Variants in SCAI observed in about 807,000 individuals in gnomAD.
The protein encoded by SCAI is suppressor of cancer cell invasion.
Under a neutral mutation model 92.2 loss-of-function variants are expected in SCAI, and 24 were observed. The ratio of observed to expected loss-of-function variants is 0.26; its 90% CI spans 0.19 to 0.37. The LOEUF (loss-of-function observed/expected upper bound fraction) is 0.37. Among genes scored for constraint, SCAI ranks in the 10% least tolerant of loss-of-function variants. The pLI, the probability that SCAI is intolerant of heterozygous loss-of-function variation, is 1.00. For missense variants in SCAI, 450 were observed against 736.2 expected, an observed-to-expected ratio of 0.61 and a Z score of 4.50; for synonymous variants, 261 against 258.6, an observed-to-expected ratio of 1.01 and a Z score of -0.09.
chr9:124,976,190 T>C lies in SCAI; in HGVS notation c.1327-4A>G. 1 of 1,584,128 alleles carries C rather than the reference T, an allele frequency of 6.3e-7. No individual in the cohort carries two copies. The highest frequency in any genetic ancestry group is 1.1e-5 in the South Asian group (1 of 90,392). Reference sequence around the variant, plus strand: ...GTCCAAACAAGTTTGTGAAATTCTGTAATATATAAGAATTTAAAACTTGCA... The same window carrying C: ...GTCCAAACAAGTTTGTGAAATTCTGCAATATATAAGAATTTAAAACTTGCA... On this transcript the variant is annotated splice_polypyrimidine_tract_variant and splice_region_variant and intron_variant, in intron 14 of 17. Transcript: ENST00000336505.
chr9:124,971,631 A>T (rs368246265), intron 16 of SCAI, 40 bp downstream of exon 16: 5 of 1,512,636 alleles, frequency 3.3e-6, no homozygotes, highest in Non-Finnish European at 4.5e-6. Context: ...AAGCCATTAT[A>T]GTACATTCTG....
chr9:125,139,612 T>C (rs1248734609), intron 2 of SCAI, among the ~76,000 whole-genome samples: 1 of 152,180 alleles, frequency 6.6e-6, no homozygotes, highest in Non-Finnish European at 1.5e-5. Flanking sequence ...GGCCAAAGTA[T>C]TAACCGTGGC....
chr9:124,968,695 A>T, intron 17 of SCAI: 1 of 1,379,856 alleles, frequency 7.2e-7, no homozygotes, highest in Non-Finnish European at 1.0e-6. Context: ...GATTTCCTCA[A>T]ATTCATCAAA....
At chr9:125,070,040 C>G (rs1396891466) in intron 2 of SCAI, among the ~76,000 whole-genome samples, 1 of 152,142 alleles carries the variant, frequency 6.6e-6, no homozygotes, top group Non-Finnish European at 1.5e-5. Flanking sequence ...ATACCTAGCT[C>G]TTAAAGTTGT....
chr9:125,127,734 G>A (rs1054890277), intron 2 of SCAI, among the ~76,000 whole-genome samples: 5 of 152,154 alleles, frequency 3.3e-5, no homozygotes, highest in African/African-American at 1.2e-4. Flanking sequence ...CCGGCCGAAC[G>A]AGGTGGCACA....
intron 17 of SCAI, among the ~76,000 whole-genome samples, chr9:124,962,782 TG>T (rs1385719383): frequency 3.3e-5 from 5 of 151,744 alleles, no homozygotes; most frequent in South Asian, 4.1e-4. Flanking sequence ...TATTATATAT[TG>T]TTTTTTCTTT....
At chr9:125,029,088 G>A (rs1054851916) in intron 4 of SCAI, among the ~76,000 whole-genome samples, 1 of 151,304 alleles carries the variant, frequency 6.6e-6, no homozygotes, top group Admixed American at 6.6e-5. Flanking sequence ...AGGAGCCACT[G>A]CACCCAGCCT....
At chr9:125,040,889 C>T (rs1312722496) in intron 3 of SCAI, among the ~76,000 whole-genome samples, 1 of 152,056 alleles carries the variant, frequency 6.6e-6, no homozygotes, top group Non-Finnish European at 1.5e-5. Flanking sequence ...CCGTCTTGGC[C>T]TCTCAAAGTG....
intron 2 of SCAI, among the ~76,000 whole-genome samples, chr9:125,132,413 T>C (rs572798633): frequency 2.0e-5 from 3 of 151,602 alleles, no homozygotes; most frequent in Admixed American, 6.6e-5. Context: ...CATCCAGCCA[T>C]TGGATTACAG....
chr9:124,978,921 C>T (rs1274757106), intron 14 of SCAI, among the ~76,000 whole-genome samples: 1 of 151,910 alleles, frequency 6.6e-6, no homozygotes, highest in Non-Finnish European at 1.5e-5. Context: ...AGTGCAACCT[C>T]CACCTCTCAG....
chr9:125,056,123 T>C, intron 2 of SCAI, 116 bp from the exon 3 acceptor site: 1 of 729,634 alleles, frequency 1.4e-6, no homozygotes, highest in Non-Finnish European at 2.2e-6. Context: ...TTCTTCTGAT[T>C]ACAATCAAAT....
At chr9:124,984,859 G>T (rs974383716) in intron 14 of SCAI, among the ~76,000 whole-genome samples, 23 of 152,054 alleles carry the variant, frequency 1.5e-4, no homozygotes, top group Admixed American at 1.2e-3. Context: ...AGCTGTAGGT[G>T]GAAAAGAACA....
intron 3 of SCAI, among the ~76,000 whole-genome samples, chr9:125,044,922 C>T (rs1316415140): frequency 2.6e-5 from 4 of 152,180 alleles, no homozygotes; most frequent in Non-Finnish European, 5.9e-5. Flanking sequence ...CCTTGCATGG[C>T]GCCAGTGCCT....
At position 125,003,589 on chromosome 9, in the gene SCAI, C is replaced by A. The variant is rs765393240; in HGVS notation, c.862-19G>T. Reference sequence around the variant, plus strand: ...ACTTAACCTGCAAGAAAAAAAAAAACAAACACAACCTAGCCTTAATGCAAC... The same window carrying A: ...ACTTAACCTGCAAGAAAAAAAAAAAAAAACACAACCTAGCCTTAATGCAAC... On this transcript the variant is annotated intron_variant, in intron 9 of 17. Transcript: ENST00000336505. 105 of 1,392,134 alleles carry A rather than the reference C, an allele frequency of 7.5e-5. No homozygotes were observed. Among genetic ancestry groups the A allele is most frequent in the Middle Eastern group, 3.6e-4 (2 of 5,630 alleles). 86.2% of individuals were successfully genotyped at this position (1,392,134 alleles called of 1,614,324 possible).
chr9:125,135,158 T>A (rs1292140346), intron 2 of SCAI, among the ~76,000 whole-genome samples: 1 of 152,168 alleles, frequency 6.6e-6, no homozygotes, highest in East Asian at 1.9e-4. Context: ...AAAGATGAAC[T>A]ATGATAAGGA....
chr9:124,969,175 C>A (rs1831602209), intron 17 of SCAI, among the ~76,000 whole-genome samples: 1 of 152,056 alleles, frequency 6.6e-6, no homozygotes, highest in East Asian at 1.9e-4. Context: ...AAATTCCTAG[C>A]CTGAAGTGAT....
intron 2 of SCAI, among the ~76,000 whole-genome samples, chr9:125,122,588 CAAAAAAAAAAA>C (rs34757267): frequency 1.5e-4 from 9 of 59,954 alleles, no homozygotes; most frequent in South Asian, 6.8e-4. Context: ...GACTCCATCT[CAAAAAAAAAAA>C]AAAAAAAAAA....
chr9:124,988,987 A>C (rs1832054343), intron 14 of SCAI, among the ~76,000 whole-genome samples: 2 of 152,074 alleles, frequency 1.3e-5, no homozygotes, highest in Non-Finnish European at 2.9e-5. Context: ...AAAAAATACA[A>C]AATTAGCTGG....
At chr9:125,142,086 C>T (rs768518506) in intron 2 of SCAI, among the ~76,000 whole-genome samples, 4 of 152,102 alleles carry the variant, frequency 2.6e-5, no homozygotes, top group South Asian at 2.1e-4. Flanking sequence ...CCACAACACC[C>T]GCTCAGCTAG....
Sources: allele counts gnomAD v4.1 joint callset (sites outside exome capture counted in the v4.1 genomes callset), GRCh38; gene constraint gnomAD v4.1.1; transcripts MANE v1.5; gene names NCBI Gene and HGNC (gene_info 2026-07-23, HGNC 2026-07-21).